FNDC3A: variants seen among roughly 807,000 people sequenced by gnomAD.
The protein encoded by FNDC3A is fibronectin type-III domain-containing protein 3A.
A neutral mutation model predicts 148.9 loss-of-function variants in FNDC3A; 32 were observed. The observed-to-expected ratio is 0.21, with a 90% CI of 0.16 to 0.29. The LOEUF is 0.29. Among genes scored for constraint, FNDC3A ranks in the 10% least tolerant of loss-of-function variants. The pLI is 1.00. For missense variants in FNDC3A, 1,191 were observed against 1,452.8 expected (o/e 0.82, Z 2.93); for synonymous variants, 472 against 473.6 (o/e 1.00, Z 0.04).
rs1874422762 is a variant in FNDC3A, at chr13:49,035,387, A to G, written c.99+29098A>G. Among the ~76,000 whole-genome samples the G allele has an allele frequency of 2.6e-5, 4 of 152,038 alleles. No individual in the cohort carries two copies. In the South Asian group the frequency reaches 8.3e-4, roughly 31 times the overall value. On this transcript the variant is annotated intron_variant, in intron 2 of 25. Transcript: ENST00000492622. ...TATATGTGGGATAATACCTCATTAT[A>G]TTTTAAGAATCTCCTGTATGTCAGG...
At chr13:49,139,468 T>C (rs1321212931) in intron 7 of FNDC3A, among the ~76,000 whole-genome samples, 2 of 152,192 alleles carry the variant, frequency 1.3e-5, no homozygotes, top group African/African-American at 4.8e-5. Flanking sequence ...AAAAATACTT[T>C]GTTTTTCTGA....
intron 3 of FNDC3A, among the ~76,000 whole-genome samples, chr13:49,090,852 G>A (rs1401384321): frequency 1.6e-4 from 24 of 152,096 alleles, no homozygotes. Context: ...TTAAAAATTA[G>A]GCATGGTGGT....
intron 4 of FNDC3A, among the ~76,000 whole-genome samples, chr13:49,119,027 A>C (rs912057445): frequency 2.0e-5 from 3 of 152,186 alleles, no homozygotes; most frequent in Non-Finnish European, 4.4e-5. Context: ...TTGCCTCCTC[A>C]AGTGGTTCCC....
At chr13:49,201,759 AAGG>A (rs756546931) in intron 23 of FNDC3A, 38 bp from the exon 24 acceptor site, 3 of 984,708 alleles carry the variant, frequency 3.0e-6, no homozygotes, top group Non-Finnish European at 4.3e-6. Context: ...AAGGTATCAT[AAGG>A]TAGTATAAGG....
At chr13:49,106,612 C>G (rs1044506119) in intron 3 of FNDC3A, among the ~76,000 whole-genome samples, 1 of 152,160 alleles carries the variant, frequency 6.6e-6, no homozygotes, top group African/African-American at 2.4e-5. Context: ...CACCCAGCCT[C>G]TCTTTTTTAT....
chr13:49,040,262 T>C (rs1874823634), intron 2 of FNDC3A, among the ~76,000 whole-genome samples: 1 of 152,226 alleles, frequency 6.6e-6, no homozygotes. Flanking sequence ...AAATGCTCAC[T>C]AATTCTATTT....
rs190977161 is a variant in FNDC3A, at chr13:49,094,053, G to A, written c.175+18689G>A. ...TTATATTAAACAAAACACTGAGTATGAGAGTTTGAAAAAGGCTCTTTCTTC... is the reference window on the plus strand; with the variant it reads ...TTATATTAAACAAAACACTGAGTATAAGAGTTTGAAAAAGGCTCTTTCTTC... On this transcript the variant is annotated intron_variant, in intron 3 of 25. Coordinates refer to ENST00000492622, the MANE Select transcript of FNDC3A (RefSeq NM_001079673.2). 4.6e-5 allele frequency among the ~76,000 whole-genome samples: 7 copies of A among 152,248 alleles called. No individual in the cohort carries two copies. In the East Asian group the frequency reaches 5.8e-4, roughly 13 times the overall value.
chr13:49,001,824 T>A (rs1189986346), intron 1 of FNDC3A, among the ~76,000 whole-genome samples: 1 of 152,192 alleles, frequency 6.6e-6, no homozygotes, highest in African/African-American at 2.4e-5. Context: ...TTAGCAATTT[T>A]AATTTCGCCC....
chr13:49,153,895 A>C (rs1300547401), intron 8 of FNDC3A, among the ~76,000 whole-genome samples: 2 of 126,938 alleles, frequency 1.6e-5, no homozygotes, highest in African/African-American at 6.1e-5. Flanking sequence ...TTTTGGTACC[A>C]GTACCATGCT....
At chr13:49,119,502 A>G (rs1881192759) in intron 4 of FNDC3A, among the ~76,000 whole-genome samples, 1 of 152,116 alleles carries the variant, frequency 6.6e-6, no homozygotes, top group Non-Finnish European at 1.5e-5. Flanking sequence ...ACGAATTGAC[A>G]GAAGTAGGCT....
intron 3 of FNDC3A, among the ~76,000 whole-genome samples, chr13:49,105,231 A>G (rs1173614622): frequency 6.6e-6 from 1 of 152,212 alleles, no homozygotes; most frequent in Non-Finnish European, 1.5e-5. Context: ...CTTCTTATAC[A>G]TGCCTGGCTG....
At chr13:49,038,224 G>A (rs765068046) in intron 2 of FNDC3A, among the ~76,000 whole-genome samples, 3 of 152,140 alleles carry the variant, frequency 2.0e-5, no homozygotes, top group Non-Finnish European at 2.9e-5. Flanking sequence ...TAGGGGGTGC[G>A]GTGGGTCAAA....
intron 2 of FNDC3A, among the ~76,000 whole-genome samples, chr13:49,060,625 C>G (rs547671837): frequency 7.1e-4 from 80 of 112,382 alleles, no homozygotes; most frequent in South Asian, 2.6e-3. Context: ...GCCTGGGCGA[C>G]AGAACGAGAC....
At chr13:49,021,053 C>T (rs3012116) in intron 2 of FNDC3A, among the ~76,000 whole-genome samples, 47,787 of 151,986 alleles carry the variant, frequency 0.31, 7,604 homozygotes, top group South Asian at 0.48. Context: ...GAGAGAATTT[C>T]AATTTGATAT....
intron 6 of FNDC3A, among the ~76,000 whole-genome samples, chr13:49,137,044 C>G (rs1444377008): frequency 6.6e-6 from 1 of 152,062 alleles, no homozygotes; most frequent in Non-Finnish European, 1.5e-5. Flanking sequence ...CCATGCTGGT[C>G]TCGATCTCCT....
chr13:49,022,804 C>T (rs979955095), intron 2 of FNDC3A, among the ~76,000 whole-genome samples: 1 of 151,960 alleles, frequency 6.6e-6, no homozygotes, highest in Non-Finnish European at 1.5e-5. Context: ...TTTTTTTCTC[C>T]CACACGTCTG....
At chr13:49,150,090 G>A (rs549105337) in intron 8 of FNDC3A, among the ~76,000 whole-genome samples, 6 of 152,046 alleles carry the variant, frequency 3.9e-5, no homozygotes, top group African/African-American at 1.2e-4. Context: ...CTAGGTGGTG[G>A]TTTAGTTCTG....
intron 8 of FNDC3A, among the ~76,000 whole-genome samples, chr13:49,162,087 G>C (rs539832061): frequency 1.3e-5 from 2 of 152,152 alleles, no homozygotes; most frequent in East Asian, 1.9e-4. Context: ...TATGTGTCTT[G>C]GGGTTGCTCT....
At chr13:49,172,175 A>G in intron 11 of FNDC3A, 79 bp downstream of exon 11, 1 of 843,748 alleles carries the variant, frequency 1.2e-6, no homozygotes, top group Non-Finnish European at 1.9e-6. Flanking sequence ...GTTTGTTTTA[A>G]TCATCAAGTA....
Sources: gnomAD v4.1 joint callset for allele counts (sites outside exome capture counted in the v4.1 genomes callset) on GRCh38, gnomAD v4.1.1 for gene constraint, MANE v1.5 for transcripts, NCBI Gene and HGNC (gene_info 2026-07-23, HGNC 2026-07-21) for gene names.